SMIM43: variants seen among roughly 807,000 people sequenced by gnomAD.
SMIM43 encodes small integral membrane protein 43.
Position 121,760,087 on chromosome 4 carries a change from G to C in SMIM43, c.*887C>G. 1 of 629,142 alleles carries C rather than the reference G, an allele frequency of 1.6e-6. No homozygotes were observed. The highest frequency in any genetic ancestry group is 3.7e-5 in the East Asian group (1 of 27,302). 39.0% of individuals were successfully genotyped at this position (629,142 alleles called of 1,614,324 possible). ...TCACTCTGCTCACTCTGTCAGAGGG[G>C]AGCAGTGCTGCTTGGAGCTTTGACA... On this transcript the variant is annotated 3_prime_UTR_variant, in exon 6 of 6. Coordinates refer to ENST00000643802, the MANE Select transcript of SMIM43 (RefSeq NM_001384332.1).
chr4:121,759,622 C>G lies in SMIM43; in HGVS notation c.*1352G>C, dbSNP rs1267514045. The G allele has an allele frequency of 6.6e-6, 1 of 152,140 alleles. No homozygotes were observed. Among genetic ancestry groups the G allele is most frequent in the Non-Finnish European group, 1.5e-5 (1 of 68,036 alleles). The allele number at this position is 152,140 out of a possible 1,614,324, so 9.4% of individuals were successfully genotyped here. On this transcript the variant is annotated 3_prime_UTR_variant, in exon 6 of 6. Transcript: ENST00000643802. Reference sequence around the variant, plus strand: ...TCACAGAAAGTTCTTTTAGACAGCCCTAGATGTGGGAAGTGTTTCTTCTTT... The same window carrying G: ...TCACAGAAAGTTCTTTTAGACAGCCGTAGATGTGGGAAGTGTTTCTTCTTT...
intron 5 of SMIM43, among the ~76,000 whole-genome samples, chr4:121,760,970 G>A (rs58734370): frequency 0.017 from 2,636 of 152,190 alleles, 89 homozygotes; most frequent in African/African-American, 0.061. Context: ...TGATTACTGG[G>A]TCTGAACGCC....
In SMIM43 at chr4:121,759,137, A is replaced by G. The variant is rs1353298725; in HGVS notation, c.*1837T>C. The G allele has an allele frequency of 1.3e-5, 2 of 152,228 alleles. No individual in the cohort carries two copies. The highest frequency in any genetic ancestry group is 2.9e-5 in the Non-Finnish European group (2 of 68,034). 9.4% of individuals were successfully genotyped at this position (152,228 alleles called of 1,614,324 possible). On this transcript the variant is annotated 3_prime_UTR_variant, in exon 6 of 6. Coordinates refer to ENST00000643802, the MANE Select transcript of SMIM43 (RefSeq NM_001384332.1). ...CACATAATAGTCACTAGGAAGGTGA[A>G]GTGGAGCAGTACTGCCATTTCTTCA...
chr4:121,764,182 C>T (rs1167607043), intron 1 of SMIM43: 1 of 152,256 alleles, frequency 6.6e-6, no homozygotes, highest in Non-Finnish European at 1.5e-5. Context: ...CGTTCACCAT[C>T]CGCTGTCCCA....
chr4:121,760,219 CAT>C lies in SMIM43; in HGVS notation c.*753_*754del. The C allele has an allele frequency of 2.0e-6, 3 of 1,530,860 alleles. No homozygotes were observed. In the South Asian group the frequency reaches 4.0e-5, roughly 20 times the overall value. 94.8% of individuals were successfully genotyped at this position (1,530,860 alleles called of 1,614,324 possible). A position where few individuals can be genotyped will look rare whatever the true frequency, so the allele number is the denominator to read the frequency against. On this transcript the variant is annotated 3_prime_UTR_variant, in exon 6 of 6. Coordinates refer to ENST00000643802, the MANE Select transcript of SMIM43 (RefSeq NM_001384332.1). ...TAGTTGTCCTCCCAAGATCCACCAT[CAT>C]CTTCTTCTTCATCAAGAGAAACTGG...
intron 5 of SMIM43, 109 bp downstream of exon 5, chr4:121,761,429 T>C: frequency 2.9e-6 from 3 of 1,033,014 alleles, no homozygotes; most frequent in Non-Finnish European, 4.2e-6. Flanking sequence ...AACTTTAAAA[T>C]TTTGGTCATT....
chr4:121,761,870 A>C lies in SMIM43; in HGVS notation c.*301T>G. The C allele has an allele frequency of 6.2e-7, 1 of 1,610,834 alleles. No homozygotes were observed. Among genetic ancestry groups the C allele is most frequent in the Non-Finnish European group, 8.5e-7 (1 of 1,179,130 alleles). The stretch of plus-strand genomic sequence containing the variant: ...TGCAACAGCCAAGATTGTCCTGATA[A>C]GATCTGAAGCCATTTTGAACACCTG... On this transcript the variant is annotated 3_prime_UTR_variant, in exon 4 of 6. Coordinates refer to ENST00000643802, the MANE Select transcript of SMIM43 (RefSeq NM_001384332.1).
At position 121,760,432 on chromosome 4, in the gene SMIM43, T is replaced by C; in HGVS notation, c.*542A>G. On this transcript the variant is annotated 3_prime_UTR_variant, in exon 6 of 6. Transcript: ENST00000643802. ...GCATGCCCCGTTTTCTCTGTGGGCT[T>C]CCTCCTTCTTCTTGTGGGGTGCTGC... is the stretch of plus-strand genomic sequence containing the variant. The C allele has an allele frequency of 6.4e-7, 1 of 1,556,872 alleles. No homozygotes were observed. Among genetic ancestry groups the C allele is most frequent in the Non-Finnish European group, 8.7e-7 (1 of 1,149,436 alleles).
chr4:121,764,775 C>T (rs1022160517), intron 1 of SMIM43, 42 bp downstream of exon 1: 2 of 395,066 alleles, frequency 5.1e-6, no homozygotes, highest in Non-Finnish European at 8.9e-6. Flanking sequence ...GTCCCTGCGC[C>T]TCACGCCGGA....
In SMIM43 at chr4:121,761,585, G is replaced by T. The variant is rs749417444; in HGVS notation, c.*452C>A. The stretch of plus-strand genomic sequence containing the variant: ...GCAAGCGAACCAAAAACAAATCCTG[G>T]CACCTTGCCATTCCCAGAAAAGCCA... On this transcript the variant is annotated 3_prime_UTR_variant, in exon 5 of 6. Coordinates refer to ENST00000643802, the MANE Select transcript of SMIM43 (RefSeq NM_001384332.1). 1 of 1,612,690 alleles carries T rather than the reference G, an allele frequency of 6.2e-7. No homozygotes were observed. The highest frequency in any genetic ancestry group is 1.1e-5 in the South Asian group (1 of 90,560).
rs376576587 is a variant in SMIM43 at position 121,761,517 on chromosome 4, T to C, written c.*499+21A>G. The C allele has an allele frequency of 1.2e-5, 18 of 1,557,116 alleles. No individual in the cohort carries two copies. In the African/African-American group the frequency reaches 2.3e-4, roughly 20 times the overall value. On this transcript the variant is annotated intron_variant, in intron 5 of 5. Transcript: ENST00000643802. ...ATAGAATGTCAAACTAAAAATAGAG[T>C]ATTTCATATTTTTTACTCACCTAGT...
Position 121,761,566 on chromosome 4 carries a change from G to A in SMIM43, c.*471C>T, listed in dbSNP as rs200399583. On this transcript the variant is annotated 3_prime_UTR_variant, in exon 5 of 6. Transcript: ENST00000643802. ...GTTCCAAGTTTCCACCCCTGCAAGCGAACCAAAAACAAATCCTGGCACCTT... is the reference window on the plus strand; with the variant it reads ...GTTCCAAGTTTCCACCCCTGCAAGCAAACCAAAAACAAATCCTGGCACCTT... 149 of 1,609,536 alleles carry A rather than the reference G, an allele frequency of 9.3e-5. No individual in the cohort carries two copies. The highest frequency in any genetic ancestry group is 5.4e-5 in the African/African-American group (4 of 74,746).
intron 2 of SMIM43, 116 bp from the exon 3 acceptor site, chr4:121,762,914 A>T (rs10471016): frequency 6.6e-6 from 1 of 152,140 alleles, no homozygotes; most frequent in South Asian, 2.1e-4. Flanking sequence ...AACAACTATA[A>T]TTGCTAATTA....
rs111670964 is a variant in SMIM43 at position 121,760,510 on chromosome 4, C to G, written c.*500-36G>C. On this transcript the variant is annotated intron_variant, in intron 5 of 5. Transcript: ENST00000643802. ...AAGCCAAGGGAACCTCAGCAGCCAC[C>G]TTAATTAAGCCTGACACCCGTGAGC... is the stretch of plus-strand genomic sequence containing the variant. 6 of 1,495,968 alleles carry G rather than the reference C, an allele frequency of 4.0e-6. No homozygotes were observed. In the East Asian group the frequency reaches 1.5e-4, roughly 37 times the overall value. 92.7% of individuals were successfully genotyped at this position (1,495,968 alleles called of 1,614,324 possible).
chr4:121,760,410 T>C lies in SMIM43; in HGVS notation c.*564A>G. The C allele has an allele frequency of 1.3e-6, 2 of 1,573,614 alleles. No homozygotes were observed. Among genetic ancestry groups the C allele is most frequent in the Non-Finnish European group, 1.7e-6 (2 of 1,158,218 alleles). ...AAAAGGAAGTGGATTTGAACTGGCATGCCCCGTTTTCTCTGTGGGCTTCCT... is the reference window on the plus strand; with the variant it reads ...AAAAGGAAGTGGATTTGAACTGGCACGCCCCGTTTTCTCTGTGGGCTTCCT... On this transcript the variant is annotated 3_prime_UTR_variant, in exon 6 of 6. Coordinates refer to ENST00000643802, the MANE Select transcript of SMIM43 (RefSeq NM_001384332.1).
In SMIM43 at chr4:121,759,853, G is replaced by A. The variant is rs976341834; in HGVS notation, c.*1121C>T. ...GACTCCACCAAAATATAACTGACAG[G>A]AAAATTAGAGAGGAGAGAAATGATA... On this transcript the variant is annotated 3_prime_UTR_variant, in exon 6 of 6. Transcript: ENST00000643802. 1 of 152,488 alleles carries A rather than the reference G, an allele frequency of 6.6e-6. No homozygotes were observed. The highest frequency in any genetic ancestry group is 1.5e-5 in the Non-Finnish European group (1 of 68,262). The allele number at this position is 152,488 out of a possible 1,614,324, so 9.4% of individuals were successfully genotyped here.
At chr4:121,765,325 A>C, upstream of SMIM43, 4 of 338,680 alleles carry the variant, frequency 1.2e-5, no homozygotes, top group Admixed American at 4.8e-5. Context: ...GCTGGCACCA[A>C]AGCCTTCCGC....
chr4:121,762,136 C>T (rs1170604152), intron 3 of SMIM43, among the ~76,000 whole-genome samples: 1 of 152,048 alleles, frequency 6.6e-6, no homozygotes, highest in Non-Finnish European at 1.5e-5. Context: ...TAATGTCTAG[C>T]TCATATATAT....
At chr4:121,761,474 A>G (rs1726057314) in intron 5 of SMIM43, 64 bp downstream of exon 5, 2 of 1,484,920 alleles carry the variant, frequency 1.3e-6, no homozygotes, top group African/African-American at 1.4e-5. Context: ...TTTTGAAACT[A>G]TAGACAAAAT....
Sources: allele counts gnomAD v4.1 joint callset (sites outside exome capture counted in the v4.1 genomes callset), GRCh38; gene constraint gnomAD v4.1.1; transcripts MANE v1.5; gene names NCBI Gene and HGNC (gene_info 2026-07-23, HGNC 2026-07-21).